Variants in IL36B observed in about 807,000 individuals in gnomAD.
IL36B encodes interleukin 36 beta.
A neutral mutation model predicts 19.3 loss-of-function variants in IL36B; 23 were observed. The ratio of observed to expected loss-of-function variants is 1.19; its 90% CI spans 0.86 to 1.69. The LOEUF (loss-of-function observed/expected upper bound fraction) is 1.69, where lower values mean the gene tolerates loss of function less well. IL36B is among the 40% of genes most tolerant of loss of function. IL36B has a pLI of 0.00. For missense variants in IL36B, 217 were observed against 200.5 expected (o/e 1.08, Z -0.50); for synonymous variants, 59 against 59.7 (o/e 0.99, Z 0.05).
At chr2:113,031,892 CAT>C in intron 1 of IL36B, 126 bp from the exon 2 acceptor site, 2 of 574,680 alleles carry the variant, frequency 3.5e-6, no homozygotes, top group Non-Finnish European at 6.2e-6. Context: ...CTCCTAGATG[CAT>C]ATTTGAGAAT....
At chr2:113,037,649 C>CAAA (rs558737151) in intron 1 of IL36B, among the ~76,000 whole-genome samples, 3,457 of 135,900 alleles carry the variant, frequency 0.025, 128 homozygotes, top group African/African-American at 0.088. Flanking sequence ...AACTCTATCT[C>CAAA]AAAAAAAAAA....
chr2:113,032,159 G>GTGTGTGTGTGTGTGTT (rs1430277159), intron 1 of IL36B, among the ~76,000 whole-genome samples: 1 of 151,728 alleles, frequency 6.6e-6, no homozygotes, highest in Admixed American at 6.6e-5. Flanking sequence ...GTGTGTGTGT[G>GTGTGTGTGTGTGTGTT]TGTGTGTGTG....
chr2:113,027,744 G>T, intron 4 of IL36B: 1 of 1,445,852 alleles, frequency 6.9e-7, no homozygotes, highest in Non-Finnish European at 9.1e-7. Flanking sequence ...GTACAGAAAT[G>T]GATGTTTGGA....
intron 1 of IL36B, among the ~76,000 whole-genome samples, chr2:113,034,066 G>A (rs537003427): frequency 2.0e-5 from 3 of 152,208 alleles, no homozygotes; most frequent in South Asian, 2.1e-4. Flanking sequence ...AAATAAAGTC[G>A]TATGACTCTC....
chr2:113,040,704 A>G (rs1227462760), intron 1 of IL36B, among the ~76,000 whole-genome samples: 1 of 152,250 alleles, frequency 6.6e-6, no homozygotes, highest in Non-Finnish European at 1.5e-5. Context: ...CTGTGCACCA[A>G]AAACTACAAA....
At chr2:113,023,867 C>G (rs1684906706) in intron 5 of IL36B, among the ~76,000 whole-genome samples, 1 of 152,070 alleles carries the variant, frequency 6.6e-6, no homozygotes, top group South Asian at 2.1e-4. Context: ...TTTTCTTGCC[C>G]CTAATTCACA....
rs574598593 is a variant in IL36B at position 113,031,757 on chromosome 2, G to C, written c.-48C>G. The stretch of plus-strand genomic sequence containing the variant: ...AAGAGAACAAGATAGATCAGATGGT[G>C]GTGAGGAGGCTGTTAACAGTTGGCC... On this transcript the variant is annotated 5_prime_UTR_variant, in exon 2 of 6. Transcript: ENST00000259213. 1.7e-4 allele frequency: 250 copies of C among 1,508,464 alleles called. 3 individuals carry two copies. The South Asian group carries it at 2.7e-3, about 16-fold the overall frequency. 93.4% of individuals were successfully genotyped at this position (1,508,464 alleles called of 1,614,324 possible). A position where few individuals can be genotyped will look rare whatever the true frequency, so the allele number is the denominator to read the frequency against.
At chr2:113,051,666 A>G (rs1052819854) in intron 1 of IL36B, among the ~76,000 whole-genome samples, 9 of 152,190 alleles carry the variant, frequency 5.9e-5, no homozygotes, top group African/African-American at 2.2e-4. Context: ...CGAAAGCGCT[A>G]TGAGCCAAGT....
intron 1 of IL36B, among the ~76,000 whole-genome samples, chr2:113,037,390 C>T (rs1685183066): frequency 6.6e-6 from 1 of 152,190 alleles, no homozygotes; most frequent in Admixed American, 6.5e-5. Context: ...TGGCTCACAC[C>T]TGTAATCCCA....
intron 5 of IL36B, among the ~76,000 whole-genome samples, chr2:113,023,488 C>A (rs957541244): frequency 2.0e-5 from 3 of 152,170 alleles, no homozygotes; most frequent in African/African-American, 7.2e-5. Flanking sequence ...CAAAATTTAA[C>A]CTGCTAAACT....
intron 2 of IL36B, among the ~76,000 whole-genome samples, chr2:113,031,469 T>C (rs1411285596): frequency 6.6e-6 from 1 of 152,212 alleles, no homozygotes; most frequent in Admixed American, 6.5e-5. Context: ...GTTATCCATA[T>C]GTTGTTTTTT....
chr2:113,032,814 A>G lies in IL36B; in HGVS notation c.-57-1048T>C, dbSNP rs180712435. On this transcript the variant is annotated intron_variant, in intron 1 of 5. Transcript: ENST00000259213. ...GCCCCTGGGTGTGTTCATTTTGGAAAGAAAGCTGATATGGCCCAAAGATCT... is the reference window on the plus strand; with the variant it reads ...GCCCCTGGGTGTGTTCATTTTGGAAGGAAAGCTGATATGGCCCAAAGATCT... 7.7e-4 allele frequency among the ~76,000 whole-genome samples: 118 copies of G among 152,338 alleles called. 1 individual carries two copies. Among genetic ancestry groups the G allele is most frequent in the African/African-American group, 2.7e-3 (112 of 41,582 alleles).
intron 1 of IL36B, among the ~76,000 whole-genome samples, chr2:113,046,156 T>C (rs528444397): frequency 1.3e-5 from 2 of 152,144 alleles, no homozygotes; most frequent in African/African-American, 2.4e-5. Flanking sequence ...TACACCAATA[T>C]TGATACATTA....
At chr2:113,024,738 T>C (rs1419898432) in intron 5 of IL36B, among the ~76,000 whole-genome samples, 1 of 152,228 alleles carries the variant, frequency 6.6e-6, no homozygotes, top group Non-Finnish European at 1.5e-5. Flanking sequence ...GCCCTTGGAA[T>C]AGCTGGGAAG....
At chr2:113,039,663 G>A (rs1010852465) in intron 1 of IL36B, among the ~76,000 whole-genome samples, 10 of 152,120 alleles carry the variant, frequency 6.6e-5, no homozygotes, top group African/African-American at 2.2e-4. Context: ...GAGGTATCAG[G>A]AAAAAAAGCA....
intron 5 of IL36B, chr2:113,026,005 A>G: frequency 1.3e-6 from 2 of 1,510,144 alleles, no homozygotes; most frequent in Admixed American, 2.1e-5. Context: ...ATGGGTGATT[A>G]TGTCTCAATA....
chr2:113,026,075 G>T (rs1441991740), intron 5 of IL36B: 1 of 1,610,348 alleles, frequency 6.2e-7, no homozygotes, highest in African/African-American at 1.3e-5. Flanking sequence ...GTCCACCTGT[G>T]GGATGGATAA....
chr2:113,044,516 T>A (rs1291954100), intron 1 of IL36B, among the ~76,000 whole-genome samples: 1 of 152,134 alleles, frequency 6.6e-6, no homozygotes, highest in African/African-American at 2.4e-5. Flanking sequence ...TCACTTTGTC[T>A]AATATTAATA....
intron 1 of IL36B, among the ~76,000 whole-genome samples, chr2:113,035,315 A>T (rs975318286): frequency 2.0e-5 from 3 of 152,180 alleles, no homozygotes; most frequent in Admixed American, 6.5e-5. Flanking sequence ...AACTACACAC[A>T]CGGTGTACTG....
Sources: gnomAD v4.1 joint callset for allele counts (sites outside exome capture counted in the v4.1 genomes callset) on GRCh38, gnomAD v4.1.1 for gene constraint, MANE v1.5 for transcripts, NCBI Gene and HGNC (gene_info 2026-07-23, HGNC 2026-07-21) for gene names.